The following CCNY variants were observed in gnomAD, a reference collection of about 807,000 sequenced individuals.
The protein encoded by CCNY is cyclin Y.
In CCNY, 19 loss-of-function variants were observed where a neutral mutation model predicts 42.8. The observed-to-expected ratio is 0.44, with a 90% CI of 0.31 to 0.65. The LOEUF is 0.65. Ranked by LOEUF, CCNY falls within the 30% of genes least tolerant of loss-of-function variation. CCNY has a pLI of 0.07. For missense variants in CCNY, 370 were observed against 437.3 expected (o/e 0.85, Z 1.37); for synonymous variants, 165 against 162.7 (o/e 1.01, Z -0.11).
chr10:35,450,221 A>C (rs1211466737), intron 1 of CCNY, among the ~76,000 whole-genome samples: 2 of 151,990 alleles, frequency 1.3e-5, no homozygotes, highest in African/African-American at 4.8e-5. Flanking sequence ...TTGGGATGTC[A>C]GGGAGTGAGT....
At chr10:35,452,885 TA>T (rs1243476911) in intron 1 of CCNY, among the ~76,000 whole-genome samples, 2 of 152,102 alleles carry the variant, frequency 1.3e-5, no homozygotes, top group Non-Finnish European at 2.9e-5. Context: ...TGGGTTTGTC[TA>T]AAACCACTGT....
intron 1 of CCNY, among the ~76,000 whole-genome samples, chr10:35,363,437 G>A (rs145666567): frequency 1.4e-3 from 214 of 152,232 alleles, no homozygotes; most frequent in Middle Eastern, 0.01. Context: ...GGGCTGCCGG[G>A]CAGAGGTGCT....
At position 35,570,938 on chromosome 10, in the gene CCNY, T is replaced by G. The variant is rs1190456739; in HGVS notation, c.*1768T>G. The G allele has an allele frequency of 6.6e-6, 1 of 152,366 alleles. No homozygotes were observed. The highest frequency in any genetic ancestry group is 1.5e-5 in the Non-Finnish European group (1 of 68,038). 9.4% of individuals were successfully genotyped at this position (152,366 alleles called of 1,614,324 possible). A position where few individuals can be genotyped will look rare whatever the true frequency, so the allele number is the denominator to read the frequency against. ...AAGCAAATAAACAGCATATAAAACGTTAATTATCTTTCCATTGTAATTGTG... is the reference window on the plus strand; with the variant it reads ...AAGCAAATAAACAGCATATAAAACGGTAATTATCTTTCCATTGTAATTGTG... On this transcript the variant is annotated 3_prime_UTR_variant, in exon 10 of 10. Coordinates refer to ENST00000374704, the MANE Select transcript of CCNY (RefSeq NM_145012.6).
intron 2 of CCNY, among the ~76,000 whole-genome samples, chr10:35,500,393 A>C (rs1840087070): frequency 6.6e-6 from 1 of 152,246 alleles, no homozygotes; most frequent in Non-Finnish European, 1.5e-5. Flanking sequence ...TTGTGAGTCT[A>C]AGAACAGCAT....
intron 1 of CCNY, among the ~76,000 whole-genome samples, chr10:35,441,279 C>T (rs1441119559): frequency 6.6e-6 from 1 of 152,202 alleles, no homozygotes; most frequent in Non-Finnish European, 1.5e-5. Flanking sequence ...AAGCAGTCTT[C>T]TTTGAAATGA....
chr10:35,300,643 T>A (rs1435368693), intron 3 of CCNY, among the ~76,000 whole-genome samples: 1 of 152,164 alleles, frequency 6.6e-6, no homozygotes, highest in Non-Finnish European at 1.5e-5. Flanking sequence ...TCATTAAAAA[T>A]CTATGTTTAT....
intron 3 of CCNY, among the ~76,000 whole-genome samples, chr10:35,259,367 G>A (rs2095717724): frequency 6.6e-6 from 1 of 151,884 alleles, no homozygotes; most frequent in Non-Finnish European, 1.5e-5. Flanking sequence ...CACCATGCTT[G>A]GCTGGTTTTT....
At chr10:35,484,962 C>T (rs945538650) in intron 2 of CCNY, among the ~76,000 whole-genome samples, 2 of 152,208 alleles carry the variant, frequency 1.3e-5, no homozygotes. Flanking sequence ...GCTTAGGGAA[C>T]TGTATCTTCC....
rs35268084 is a variant in CCNY, at chr10:35,516,661, C to CTTTTTTT, written c.365+59_365+65dup. ...ATTTATTTCCTTCCTTCCTTCCTTC[C>CTTTTTTT]TTTTTTTTTTTTTTTTTTTTTTTTT... On this transcript the variant is annotated intron_variant, in intron 4 of 9. Transcript: ENST00000374704. 2.5e-4 allele frequency: 83 copies of CTTTTTTT among 327,598 alleles called. 2 individuals carry two copies. The highest frequency in any genetic ancestry group is 2.0e-3 in the African/African-American group (40 of 20,312). The allele number at this position is 327,598 out of a possible 1,614,324, so 20.3% of individuals were successfully genotyped here. A position where few individuals can be genotyped will look rare whatever the true frequency, so the allele number is the denominator to read the frequency against.
chr10:35,559,987 A>G (rs182514704), intron 8 of CCNY, among the ~76,000 whole-genome samples: 1 of 151,666 alleles, frequency 6.6e-6, no homozygotes, highest in Admixed American at 6.6e-5. Context: ...TTTCTTTCTG[A>G]GTTTTCTTTC....
intron 1 of CCNY, among the ~76,000 whole-genome samples, chr10:35,376,771 A>G (rs1203396804): frequency 1.3e-5 from 2 of 152,198 alleles, no homozygotes; most frequent in Non-Finnish European, 2.9e-5. Flanking sequence ...TTAAAACATT[A>G]TGGTAGGTGA....
chr10:35,296,729 C>T (rs1471461598), intron 3 of CCNY, among the ~76,000 whole-genome samples: 2 of 152,198 alleles, frequency 1.3e-5, no homozygotes, highest in African/African-American at 4.8e-5. Context: ...TTCCTGGACA[C>T]ATACCACCTC....
chr10:35,294,831 T>A (rs1835451794), intron 3 of CCNY, among the ~76,000 whole-genome samples: 1 of 152,216 alleles, frequency 6.6e-6, no homozygotes, highest in South Asian at 2.1e-4. Flanking sequence ...AATTACTATT[T>A]AAGTGTTTGG....
At chr10:35,253,054 C>T (rs7087099) in intron 3 of CCNY, among the ~76,000 whole-genome samples, 55,582 of 151,966 alleles carry the variant, frequency 0.37, 10,571 homozygotes, top group African/African-American at 0.47. Flanking sequence ...CAAAAATTCA[C>T]GGGACTGAAC....
At chr10:35,457,839 C>T (rs1839071322) in intron 1 of CCNY, among the ~76,000 whole-genome samples, 1 of 152,228 alleles carries the variant, frequency 6.6e-6, no homozygotes, top group African/African-American at 2.4e-5. Flanking sequence ...CTCGGCCTCT[C>T]AAAGTGCTGG....
intron 3 of CCNY, among the ~76,000 whole-genome samples, chr10:35,254,931 C>T (rs1260869511): frequency 1.3e-5 from 2 of 151,150 alleles, no homozygotes; most frequent in Non-Finnish European, 2.9e-5. Flanking sequence ...TGATTCCTAC[C>T]TTTATTCCAT....
At chr10:35,489,225 G>C (rs1219180191) in intron 2 of CCNY, among the ~76,000 whole-genome samples, 1 of 152,216 alleles carries the variant, frequency 6.6e-6, no homozygotes, top group African/African-American at 2.4e-5. Flanking sequence ...ATTTCTTGGT[G>C]AGATGCCTCT....
At chr10:35,415,825 A>G (rs978270017) in intron 1 of CCNY, among the ~76,000 whole-genome samples, 5 of 152,140 alleles carry the variant, frequency 3.3e-5, no homozygotes, top group Admixed American at 2.6e-4. Flanking sequence ...CTCTTGCTGT[A>G]CCTTTCACAC....
chr10:35,468,687 G>A (rs938595900), intron 1 of CCNY, among the ~76,000 whole-genome samples: 7 of 152,062 alleles, frequency 4.6e-5, no homozygotes, highest in Admixed American at 1.3e-4. Context: ...GCCTGTCATC[G>A]GAGGACATAA....
Sources: allele counts gnomAD v4.1 joint callset (sites outside exome capture counted in the v4.1 genomes callset), GRCh38; gene constraint gnomAD v4.1.1; transcripts MANE v1.5; gene names NCBI Gene and HGNC (gene_info 2026-07-23, HGNC 2026-07-21).